Variants in SCAPER observed in about 807,000 individuals in gnomAD.
SCAPER encodes S-phase cyclin A associated protein in the ER.
SCAPER carries 98 observed loss-of-function variants against 182.2 expected under a neutral mutation model. That is an observed-to-expected ratio of 0.54 (90% CI 0.46 to 0.64). SCAPER has a LOEUF of 0.64. SCAPER is among the 30% of genes least tolerant of loss of function. The pLI is 0.00. For synonymous variants in SCAPER, 605 were observed against 564.6 expected (o/e 1.07, Z -1.01); for missense variants, 1,432 against 1,690.0 (o/e 0.85, Z 2.68).
intron 30 of SCAPER, among the ~76,000 whole-genome samples, chr15:76,352,797 T>C (rs1056895525): frequency 1.7e-4 from 26 of 152,156 alleles, no homozygotes; most frequent in Non-Finnish European, 2.5e-4. Context: ...TAAAAATATA[T>C]GAAGAATCCT....
chr15:76,695,271 T>C (rs546890362), intron 20 of SCAPER, among the ~76,000 whole-genome samples: 11 of 152,264 alleles, frequency 7.2e-5, no homozygotes, highest in African/African-American at 2.2e-4. Flanking sequence ...TCTAAAACTC[T>C]AAAAAGCAAG....
chr15:76,460,410 T>C (rs1391457624), intron 25 of SCAPER, among the ~76,000 whole-genome samples: 1 of 152,176 alleles, frequency 6.6e-6, no homozygotes, highest in Non-Finnish European at 1.5e-5. Flanking sequence ...TGATTTTGTA[T>C]TCTGCAACTT....
At chr15:76,883,684 C>A in intron 2 of SCAPER, 128 bp downstream of exon 2, 1 of 796,454 alleles carries the variant, frequency 1.3e-6, no homozygotes, top group Non-Finnish European at 1.9e-6. Flanking sequence ...CACTTTATCA[C>A]TGTGCTTTAT....
chr15:76,854,706 T>C (rs562147124), intron 4 of SCAPER, among the ~76,000 whole-genome samples: 3 of 149,794 alleles, frequency 2.0e-5, no homozygotes, highest in Non-Finnish European at 4.4e-5. Context: ...ACACCTGTAA[T>C]CCCAGCACTT....
intron 27 of SCAPER, among the ~76,000 whole-genome samples, chr15:76,399,072 C>T (rs917538730): frequency 6.6e-6 from 1 of 152,152 alleles, no homozygotes; most frequent in African/African-American, 2.4e-5. Flanking sequence ...GATTTGAAAA[C>T]CATTGTTTTC....
intron 21 of SCAPER, among the ~76,000 whole-genome samples, chr15:76,652,771 T>C (rs1015307326): frequency 6.6e-6 from 1 of 151,806 alleles, no homozygotes; most frequent in Non-Finnish European, 1.5e-5. Context: ...GCCAACATCA[T>C]ACTGAAGGTG....
chr15:76,884,316 T>G (rs2073731832), intron 1 of SCAPER, among the ~76,000 whole-genome samples: 1 of 152,232 alleles, frequency 6.6e-6, no homozygotes, highest in Non-Finnish European at 1.5e-5. Context: ...GAGTCTGAAC[T>G]CAGTATAGAA....
chr15:76,743,910 C>A (rs1457849440), intron 15 of SCAPER, among the ~76,000 whole-genome samples: 1 of 152,096 alleles, frequency 6.6e-6, no homozygotes, highest in African/African-American at 2.4e-5. Flanking sequence ...CTACAGTAAA[C>A]AAAACAGCAT....
intron 6 of SCAPER, among the ~76,000 whole-genome samples, chr15:76,800,902 G>A (rs972638036): frequency 1.3e-5 from 2 of 152,118 alleles, no homozygotes; most frequent in African/African-American, 4.8e-5. Flanking sequence ...ATAACTTAAC[G>A]TCTACTCCTC....
At chr15:76,433,083 G>C (rs1386187006) in intron 26 of SCAPER, among the ~76,000 whole-genome samples, 1 of 152,198 alleles carries the variant, frequency 6.6e-6, no homozygotes, top group African/African-American at 2.4e-5. Context: ...GTTGTTTTAA[G>C]TCTGAACCTA....
intron 5 of SCAPER, 108 bp downstream of exon 5, chr15:76,841,626 G>T: frequency 8.7e-7 from 1 of 1,146,604 alleles, no homozygotes; most frequent in Non-Finnish European, 1.2e-6. Flanking sequence ...CAGCCTGGGC[G>T]ACAGAGCAAA....
chr15:76,738,718 T>C (rs2061403095), intron 15 of SCAPER, among the ~76,000 whole-genome samples: 1 of 152,124 alleles, frequency 6.6e-6, no homozygotes, highest in Non-Finnish European at 1.5e-5. Context: ...AAGTTTGCTG[T>C]CATATATGAG....
intron 1 of SCAPER, among the ~76,000 whole-genome samples, chr15:76,894,472 T>C (rs1325199432): frequency 2.0e-5 from 3 of 151,828 alleles, no homozygotes; most frequent in Non-Finnish European, 2.9e-5. Context: ...ACAACTCAGA[T>C]AAACAACCTA....
At chr15:76,753,225 A>G (rs1228832377) in intron 15 of SCAPER, among the ~76,000 whole-genome samples, 1 of 151,936 alleles carries the variant, frequency 6.6e-6, no homozygotes, top group East Asian at 1.9e-4. Flanking sequence ...CATGTCCATC[A>G]ACAAGTGACT....
At chr15:76,375,614 G>T (rs1217572559) in intron 29 of SCAPER, among the ~76,000 whole-genome samples, 3 of 152,198 alleles carry the variant, frequency 2.0e-5, no homozygotes, top group African/African-American at 7.2e-5. Context: ...TGTGGCTTAA[G>T]AATATTTTAT....
intron 16 of SCAPER, among the ~76,000 whole-genome samples, chr15:76,731,481 G>C (rs2060918907): frequency 6.6e-6 from 1 of 152,182 alleles, no homozygotes; most frequent in African/African-American, 2.4e-5. Flanking sequence ...AATCACAATT[G>C]CCTTTAATAG....
intron 17 of SCAPER, among the ~76,000 whole-genome samples, chr15:76,722,852 A>T (rs1204988299): frequency 6.6e-6 from 1 of 150,858 alleles, no homozygotes; most frequent in East Asian, 1.9e-4. Context: ...CAGTCTATCG[A>T]TTTTGCTGAT....
intron 20 of SCAPER, among the ~76,000 whole-genome samples, chr15:76,671,694 C>T (rs1251351758): frequency 5.3e-5 from 8 of 151,708 alleles, no homozygotes; most frequent in Admixed American, 3.3e-4. Context: ...GGTGTGAACC[C>T]GGGAGGCGGA....
chr15:76,752,509 C>T (rs2062152584), intron 15 of SCAPER, among the ~76,000 whole-genome samples: 1 of 151,502 alleles, frequency 6.6e-6, no homozygotes, highest in Non-Finnish European at 1.5e-5. Context: ...AATGGATAAG[C>T]AAAATGTGGT....
Sources: allele counts gnomAD v4.1 joint callset (sites outside exome capture counted in the v4.1 genomes callset), GRCh38; gene constraint gnomAD v4.1.1; transcripts MANE v1.5; gene names NCBI Gene and HGNC (gene_info 2026-07-23, HGNC 2026-07-21).